The following FBXL7 variants were observed in gnomAD, a reference collection of about 807,000 sequenced individuals.
FBXL7 encodes the protein F-box/LRR-repeat protein 7.
A neutral mutation model predicts 38.3 loss-of-function variants in FBXL7; 12 were observed. That is an observed-to-expected ratio of 0.31 (90% CI 0.20 to 0.51). The LOEUF (loss-of-function observed/expected upper bound fraction) is 0.51, where lower values mean the gene tolerates loss of function less well. FBXL7 is among the 20% of genes least tolerant of loss of function. The probability of loss-of-function intolerance (pLI) is 0.98; values close to 1 mark genes in which losing one functional copy is unlikely to be tolerated. For synonymous variants in FBXL7, 297 were observed against 300.9 expected (o/e 0.99, Z 0.13); for missense variants, 567 against 676.4 (o/e 0.84, Z 1.79).
chr5:15,786,502 A>G (rs751624548), intron 2 of FBXL7, among the ~76,000 whole-genome samples: 63 of 152,186 alleles, frequency 4.1e-4, no homozygotes, highest in Admixed American at 1.8e-3. Flanking sequence ...AAACCCTGTC[A>G]GTCCTTGATA....
At chr5:15,931,217 C>T (rs1194743799) in intron 3 of FBXL7, among the ~76,000 whole-genome samples, 6 of 152,044 alleles carry the variant, frequency 3.9e-5, no homozygotes, top group African/African-American at 1.2e-4. Flanking sequence ...ATTGCAATAA[C>T]GAGAGGAAGT....
At chr5:15,760,441 GA>G (rs1736411423) in intron 2 of FBXL7, among the ~76,000 whole-genome samples, 1 of 144,718 alleles carries the variant, frequency 6.9e-6, no homozygotes. Flanking sequence ...AAAAAAAAAA[GA>G]AAAAAGTTGA....
At chr5:15,801,598 C>T (rs758408047) in intron 2 of FBXL7, among the ~76,000 whole-genome samples, 3 of 151,358 alleles carry the variant, frequency 2.0e-5, no homozygotes, top group Non-Finnish European at 4.4e-5. Flanking sequence ...GAAATATTCT[C>T]TTATGGCCTT....
chr5:15,857,108 A>T (rs1311246091), intron 2 of FBXL7, among the ~76,000 whole-genome samples: 1 of 152,222 alleles, frequency 6.6e-6, no homozygotes, highest in Non-Finnish European at 1.5e-5. Context: ...AGGCATTGTC[A>T]GTAAACCCTA....
chr5:15,654,060 A>C (rs1741794544), intron 2 of FBXL7, among the ~76,000 whole-genome samples: 1 of 152,234 alleles, frequency 6.6e-6, no homozygotes, highest in Non-Finnish European at 1.5e-5. Context: ...ACAGTCATGC[A>C]AATGTCCATT....
chr5:15,551,853 C>A (rs1738082540), intron 1 of FBXL7, among the ~76,000 whole-genome samples: 1 of 152,198 alleles, frequency 6.6e-6, no homozygotes, highest in South Asian at 2.1e-4. Flanking sequence ...CCAATTTACT[C>A]TTGACTTATG....
At chr5:15,634,400 C>G (rs1403037157) in intron 2 of FBXL7, among the ~76,000 whole-genome samples, 1 of 148,678 alleles carries the variant, frequency 6.7e-6, no homozygotes, top group Non-Finnish European at 1.5e-5. Flanking sequence ...CAGCTCACTG[C>G]AACCCCCGCC....
In FBXL7 at chr5:15,795,884, A is replaced by G. The variant is rs186596171; in HGVS notation, c.128-132006A>G. Reference sequence around the variant, plus strand: ...CCGATTGCCACTATAAATATAACAGATCAAGAGAAAAGGGAGCTACATCTT... The same window carrying G: ...CCGATTGCCACTATAAATATAACAGGTCAAGAGAAAAGGGAGCTACATCTT... On this transcript the variant is annotated intron_variant, in intron 2 of 3. Transcript: ENST00000504595. Among the ~76,000 whole-genome samples, 430 of 152,344 alleles carry G rather than the reference A, an allele frequency of 2.8e-3. 2 individuals are homozygous for G. The highest frequency in any genetic ancestry group is 2.1e-3 in the Non-Finnish European group (142 of 68,040).
At chr5:15,663,869 G>C (rs1269377362) in intron 2 of FBXL7, among the ~76,000 whole-genome samples, 1 of 152,096 alleles carries the variant, frequency 6.6e-6, no homozygotes, top group African/African-American at 2.4e-5. Flanking sequence ...GCTATTTATA[G>C]GCAGGTCTTG....
intron 2 of FBXL7, among the ~76,000 whole-genome samples, chr5:15,690,839 G>A (rs1743159026): frequency 6.6e-6 from 1 of 152,174 alleles, no homozygotes; most frequent in African/African-American, 2.4e-5. Flanking sequence ...ACAGATGCTG[G>A]ATTCTTCAGT....
At chr5:15,730,407 G>A (rs1735550431) in intron 2 of FBXL7, among the ~76,000 whole-genome samples, 1 of 151,954 alleles carries the variant, frequency 6.6e-6, no homozygotes. Context: ...ATTTTTCAGA[G>A]GCTCTGGTTT....
intron 1 of FBXL7, among the ~76,000 whole-genome samples, chr5:15,525,133 C>T (rs1251366866): frequency 2.0e-5 from 3 of 152,176 alleles, no homozygotes; most frequent in Non-Finnish European, 4.4e-5. Context: ...GTGCTTAGCT[C>T]ATAGGGCAAT....
At chr5:15,882,704 C>T (rs1740508398) in intron 2 of FBXL7, among the ~76,000 whole-genome samples, 1 of 152,168 alleles carries the variant, frequency 6.6e-6, no homozygotes, top group African/African-American at 2.4e-5. Flanking sequence ...AATCTCTTCT[C>T]AATCTCCTTT....
At chr5:15,726,784 A>C (rs937136955) in intron 2 of FBXL7, among the ~76,000 whole-genome samples, 1 of 152,116 alleles carries the variant, frequency 6.6e-6, no homozygotes, top group Middle Eastern at 3.2e-3. Flanking sequence ...GTCCATTCTT[A>C]TAATCTGTTT....
rs560631969 is a variant in FBXL7 at position 15,898,462 on chromosome 5, G to A, written c.128-29428G>A. Among the ~76,000 whole-genome samples the A allele has an allele frequency of 2.0e-5, 3 of 152,222 alleles. No individual in the cohort carries two copies. The South Asian group carries it at 6.2e-4, about 32-fold the overall frequency. ...ATTTATGTGTGTGAGAGAGAAAAAG[G>A]GAGAAAGCAGAAGGGATATCCTGCC... On this transcript the variant is annotated intron_variant, in intron 2 of 3. Transcript: ENST00000504595.
chr5:15,840,845 C>CAAA (rs34448584), intron 2 of FBXL7, among the ~76,000 whole-genome samples: 40 of 83,280 alleles, frequency 4.8e-4, no homozygotes, highest in African/African-American at 1.8e-3. Flanking sequence ...GACTCTGTCT[C>CAAA]AAAAAAAAAA....
intron 2 of FBXL7, among the ~76,000 whole-genome samples, chr5:15,823,089 G>A (rs2126765951): frequency 6.6e-6 from 1 of 152,262 alleles, no homozygotes; most frequent in Middle Eastern, 3.4e-3. Context: ...ATTACCTCTT[G>A]TGATAACTAG....
At chr5:15,644,942 C>A (rs536298237) in intron 2 of FBXL7, among the ~76,000 whole-genome samples, 61 of 152,192 alleles carry the variant, frequency 4.0e-4, no homozygotes, top group Admixed American at 1.2e-3. Flanking sequence ...ATCTGCAGCA[C>A]CCCTGGGACT....
intron 2 of FBXL7, among the ~76,000 whole-genome samples, chr5:15,888,837 A>G (rs1220815269): frequency 5.3e-5 from 8 of 152,192 alleles, no homozygotes; most frequent in Non-Finnish European, 1.2e-4. Flanking sequence ...TTTTGGATAA[A>G]TTGAAATTAC....
Sources: allele counts gnomAD v4.1 joint callset (sites outside exome capture counted in the v4.1 genomes callset), GRCh38; gene constraint gnomAD v4.1.1; transcripts MANE v1.5; gene names NCBI Gene and HGNC (gene_info 2026-07-23, HGNC 2026-07-21).